Variants in BRINP1 observed in about 807,000 individuals in gnomAD.
The protein encoded by BRINP1 is BMP/retinoic acid-inducible neural-specific protein 1.
BRINP1 carries 17 observed loss-of-function variants against 72.9 expected under a neutral mutation model. The ratio of observed to expected loss-of-function variants is 0.23; its 90% CI spans 0.16 to 0.35. The LOEUF is 0.35. Among genes scored for constraint, BRINP1 ranks in the 10% least tolerant of loss-of-function variants. The probability of loss-of-function intolerance (pLI) is 1.00; values close to 1 mark genes in which losing one functional copy is unlikely to be tolerated. For missense variants in BRINP1, 850 were observed against 1,001.6 expected, an observed-to-expected ratio of 0.85 and a Z score of 2.04; for synonymous variants, 418 against 378.5, an observed-to-expected ratio of 1.10 and a Z score of -1.21.
chr9:119,282,837 TGGAGAGA>T, intron 2 of BRINP1: 1 of 985,180 alleles, frequency 1.0e-6, no homozygotes, highest in Non-Finnish European at 1.2e-6. Context: ...CTGGTCACAG[TGGAGAGA>T]CAGCAGTGAT....
chr9:119,356,391 T>C (rs1405413552), intron 1 of BRINP1, among the ~76,000 whole-genome samples: 1 of 152,226 alleles, frequency 6.6e-6, no homozygotes, highest in Non-Finnish European at 1.5e-5. Context: ...TCTTTATTTA[T>C]AAATTATCTT....
At chr9:119,311,882 G>A (rs1420870613) in intron 2 of BRINP1, among the ~76,000 whole-genome samples, 2 of 152,156 alleles carry the variant, frequency 1.3e-5, no homozygotes, top group Non-Finnish European at 2.9e-5. Context: ...AAAGCACTGG[G>A]GTCAGGTAAA....
Position 119,166,869 on chromosome 9 carries a change from C to T in BRINP1, c.*215G>A. 1 of 540,230 alleles carries T rather than the reference C, an allele frequency of 1.9e-6. No homozygotes were observed. Among genetic ancestry groups the T allele is most frequent in the Non-Finnish European group, 3.2e-6 (1 of 312,048 alleles). 33.5% of individuals were successfully genotyped at this position (540,230 alleles called of 1,614,324 possible). A position where few individuals can be genotyped will look rare whatever the true frequency, so the allele number is the denominator to read the frequency against. ...TCCACAAAAGGCTGAGACCCTTCTT[C>T]ATGACAGAGTGAGTATAGAAATAAC... is the stretch of plus-strand genomic sequence containing the variant. On this transcript the variant is annotated 3_prime_UTR_variant, in exon 8 of 8. Transcript: ENST00000265922.
intron 1 of BRINP1, among the ~76,000 whole-genome samples, chr9:119,331,712 G>A (rs890517633): frequency 5.3e-5 from 8 of 152,086 alleles, no homozygotes; most frequent in African/African-American, 1.4e-4. Flanking sequence ...CTTTACTAAC[G>A]TGAGAATCAA....
intron 7 of BRINP1, among the ~76,000 whole-genome samples, chr9:119,173,597 C>A (rs1829444948): frequency 6.6e-6 from 1 of 151,880 alleles, no homozygotes; most frequent in Non-Finnish European, 1.5e-5. Context: ...ATGCCATCCC[C>A]ATCAAGCTAC....
intron 1 of BRINP1, among the ~76,000 whole-genome samples, chr9:119,318,848 T>C (rs77952009): frequency 1.6e-5 from 1 of 63,164 alleles, no homozygotes; most frequent in South Asian, 6.2e-4. Flanking sequence ...GTGTGGGGTG[T>C]GTGTGTGTGT....
At chr9:119,366,741 T>C (rs1408519) in intron 1 of BRINP1, among the ~76,000 whole-genome samples, 96,761 of 151,332 alleles carry the variant, frequency 0.64, 31,418 homozygotes, top group East Asian at 1. Flanking sequence ...TATACAGTCC[T>C]AGAGTGTATA....
chr9:119,169,444 G>A (rs1480581817), intron 7 of BRINP1, among the ~76,000 whole-genome samples: 3 of 152,200 alleles, frequency 2.0e-5, no homozygotes, highest in South Asian at 2.1e-4. Context: ...ACGGCGCACC[G>A]CGAGATTATA....
Position 119,313,206 on chromosome 9 carries a change from G to A in BRINP1, c.150C>T (p.His50=), listed in dbSNP as rs139302339. ...WLISDRGPFH[H]SRSYLSFVER... ...CCACAAAGGATAGGTAGCTCCTGGA[G>A]TGGTGGAAAGGCCCCCTGTCTGAAA... The change falls in exon 2 of 8, where the codon CAC becomes CAT. Residue 50 remains histidine (H), a synonymous_variant. Transcript: ENST00000265922. 5.6e-6 allele frequency: 9 copies of A among 1,614,124 alleles called. No homozygotes were observed. Among genetic ancestry groups the A allele is most frequent in the South Asian group, 2.2e-5 (2 of 91,082 alleles).
chr9:119,239,626 C>T (rs934363938), intron 4 of BRINP1, among the ~76,000 whole-genome samples: 3 of 152,210 alleles, frequency 2.0e-5, no homozygotes, highest in Middle Eastern at 3.4e-3. Flanking sequence ...CCACATGCAC[C>T]TTCTCTGCCC....
At chr9:119,246,484 C>T (rs1830318306) in intron 3 of BRINP1, among the ~76,000 whole-genome samples, 1 of 152,324 alleles carries the variant, frequency 6.6e-6, no homozygotes, top group Non-Finnish European at 1.5e-5. Flanking sequence ...CTCGGACTTG[C>T]TTCCTTGCTC....
At chr9:119,363,608 T>C (rs940077644) in intron 1 of BRINP1, among the ~76,000 whole-genome samples, 4 of 152,246 alleles carry the variant, frequency 2.6e-5, no homozygotes, top group African/African-American at 9.6e-5. Context: ...TATAAAATTA[T>C]CTTGCTTATC....
chr9:119,225,329 T>C (rs1830079139), intron 5 of BRINP1, among the ~76,000 whole-genome samples: 1 of 151,986 alleles, frequency 6.6e-6, no homozygotes. Context: ...CAGTTATCCC[T>C]TGGTATCTGC....
At chr9:119,342,435 C>T (rs1587967067) in intron 1 of BRINP1, among the ~76,000 whole-genome samples, 1 of 152,120 alleles carries the variant, frequency 6.6e-6, no homozygotes, top group African/African-American at 2.4e-5. Flanking sequence ...AACAGAGACA[C>T]AAAGAAGGGA....
intron 1 of BRINP1, among the ~76,000 whole-genome samples, chr9:119,318,311 T>C (rs1232630927): frequency 6.6e-6 from 1 of 152,160 alleles, no homozygotes; most frequent in African/African-American, 2.4e-5. Flanking sequence ...CAGCTGAATA[T>C]GAAAGATAAA....
intron 1 of BRINP1, among the ~76,000 whole-genome samples, chr9:119,315,360 G>A (rs1322360223): frequency 1.3e-5 from 2 of 151,604 alleles, no homozygotes; most frequent in Non-Finnish European, 2.9e-5. Context: ...CTGTTATGGT[G>A]GTCTGTGGTA....
intron 2 of BRINP1, among the ~76,000 whole-genome samples, chr9:119,302,982 T>C (rs1220808788): frequency 1.3e-5 from 2 of 152,146 alleles, no homozygotes; most frequent in South Asian, 2.1e-4. Context: ...TACACATTAG[T>C]AGAGACTCAA....
At chr9:119,214,299 G>C in intron 5 of BRINP1, 144 bp from the exon 6 acceptor site, 1 of 643,438 alleles carries the variant, frequency 1.6e-6, no homozygotes. Context: ...GGCCAACCTA[G>C]ATCCAGACAG....
intron 1 of BRINP1, among the ~76,000 whole-genome samples, chr9:119,357,331 A>T (rs1831579013): frequency 6.6e-6 from 1 of 152,236 alleles, no homozygotes; most frequent in African/African-American, 2.4e-5. Context: ...TGGCTGTCAC[A>T]ATTTGGGCTA....
Sources: allele counts gnomAD v4.1 joint callset (sites outside exome capture counted in the v4.1 genomes callset), GRCh38; gene constraint gnomAD v4.1.1; transcripts MANE v1.5; gene names NCBI Gene and HGNC (gene_info 2026-07-23, HGNC 2026-07-21).